TBC1D1: variants seen among roughly 807,000 people sequenced by gnomAD.
TBC1D1 encodes TBC1 (tre-2/USP6, BUB2, cdc16) domain family, member 1.
A neutral mutation model predicts 125.6 loss-of-function variants in TBC1D1; 89 were observed. The observed-to-expected ratio is 0.71, with a 90% CI of 0.60 to 0.85. The LOEUF is 0.85. Among genes scored for constraint, TBC1D1 ranks in the 40% least tolerant of loss-of-function variants. The pLI is 0.00. For missense variants in TBC1D1, 1,377 were observed against 1,469.2 expected (o/e 0.94, Z 1.03); for synonymous variants, 565 against 564.1 (o/e 1.00, Z -0.02).
intron 12 of TBC1D1, among the ~76,000 whole-genome samples, chr4:38,069,637 A>G (rs143802876): frequency 0.013 from 1,985 of 152,190 alleles, 42 homozygotes; most frequent in African/African-American, 0.045. Flanking sequence ...ATATGCAGTC[A>G]TGCCAACCCC....
intron 11 of TBC1D1, chr4:38,053,221 A>G (rs1416251116): frequency 3.3e-6 from 5 of 1,512,140 alleles, no homozygotes; most frequent in Non-Finnish European, 4.4e-6. Context: ...TATGAACACA[A>G]AAAGGTAGGG....
rs1272106935 is a variant in TBC1D1 at position 38,014,367 on chromosome 4, G to A, written c.418-142G>A. ...GAAGACATTCCTAGTCCCCTCCCGT[G>A]GGCTCCTCCTCCAGTGGGCTCCTCC... On this transcript the variant is annotated intron_variant, in intron 2 of 19. Coordinates refer to ENST00000261439, the MANE Select transcript of TBC1D1 (RefSeq NM_015173.4). This position sits in a 1 kb window ranked among gnomAD's most constrained non-coding sequence, Gnocchi z 5.1. The A allele has an allele frequency of 7.1e-6, 5 of 702,504 alleles. No homozygotes were observed. The highest frequency in any genetic ancestry group is 1.2e-5 in the Non-Finnish European group (5 of 416,770). The allele number at this position is 702,504 out of a possible 1,614,324, so 43.5% of individuals were successfully genotyped here.
intron 12 of TBC1D1, among the ~76,000 whole-genome samples, chr4:38,066,763 C>A (rs1340496431): frequency 1.3e-5 from 2 of 152,164 alleles, no homozygotes; most frequent in Non-Finnish European, 2.9e-5. Flanking sequence ...TTTGTGAGAT[C>A]CTGAGATAAA....
intron 12 of TBC1D1, among the ~76,000 whole-genome samples, chr4:38,073,050 C>T (rs1211209227): frequency 3.3e-5 from 5 of 152,146 alleles, no homozygotes; most frequent in Non-Finnish European, 7.4e-5. Context: ...CACCTTCCAC[C>T]TTTTGGCTAT....
chr4:37,996,468 G>C (rs1737826387), intron 2 of TBC1D1, among the ~76,000 whole-genome samples: 1 of 152,144 alleles, frequency 6.6e-6, no homozygotes, highest in Non-Finnish European at 1.5e-5. Flanking sequence ...CAAAGTTAAA[G>C]AAAGGGAGTG....
At chr4:37,968,566 A>T (rs753268145) in intron 2 of TBC1D1, among the ~76,000 whole-genome samples, 1 of 152,240 alleles carries the variant, frequency 6.6e-6, no homozygotes, top group Non-Finnish European at 1.5e-5. Flanking sequence ...ACCCACCTGA[A>T]TTTATAAGGT....
chr4:38,126,856 T>C (rs1053393159), intron 18 of TBC1D1, among the ~76,000 whole-genome samples: 2 of 152,186 alleles, frequency 1.3e-5, no homozygotes, highest in Non-Finnish European at 2.9e-5. Flanking sequence ...TCAAAGTGCT[T>C]TAGCAGCTCT....
chr4:38,137,437 T>G lies in TBC1D1; in HGVS notation c.*102T>G, dbSNP rs190339487. The stretch of plus-strand genomic sequence containing the variant: ...GAGAGAAGGAAGCGGGAAGTGTGCT[T>G]CTCAGGGAGGAAACCGGCTTGCCAG... On this transcript the variant is annotated 3_prime_UTR_variant, in exon 20 of 20. Transcript: ENST00000261439. The G allele has an allele frequency of 2.0e-5, 27 of 1,324,418 alleles. No homozygotes were observed. In the Admixed American group the frequency reaches 8.8e-4, roughly 43 times the overall value. 82.0% of individuals were successfully genotyped at this position (1,324,418 alleles called of 1,614,324 possible). A position where few individuals can be genotyped will look rare whatever the true frequency, so the allele number is the denominator to read the frequency against.
At chr4:37,932,059 T>C (rs1005109512) in intron 2 of TBC1D1, among the ~76,000 whole-genome samples, 2 of 152,012 alleles carry the variant, frequency 1.3e-5, no homozygotes, top group Non-Finnish European at 2.9e-5. Flanking sequence ...TCTGTCATTG[T>C]TTTTCCCCCA....
chr4:38,003,889 T>C (rs1450232687), intron 2 of TBC1D1, among the ~76,000 whole-genome samples: 2 of 148,416 alleles, frequency 1.3e-5, no homozygotes, highest in Non-Finnish European at 3.0e-5. Context: ...AAAAAAAGAG[T>C]TGGCCTTTTC....
At chr4:38,073,856 G>C (rs572047051) in intron 12 of TBC1D1, among the ~76,000 whole-genome samples, 1 of 152,208 alleles carries the variant, frequency 6.6e-6, no homozygotes, top group Admixed American at 6.5e-5. Context: ...GAAGTAAAAA[G>C]AGCCTCCTCC....
At chr4:38,008,123 A>G (rs533431440) in intron 2 of TBC1D1, among the ~76,000 whole-genome samples, 2 of 152,220 alleles carry the variant, frequency 1.3e-5, no homozygotes, top group Non-Finnish European at 2.9e-5. Context: ...GACTTTGAGG[A>G]CTTATATTCT....
At chr4:38,001,223 AAAAG>A (rs34403727) in intron 2 of TBC1D1, among the ~76,000 whole-genome samples, 3,459 of 150,062 alleles carry the variant, frequency 0.023, 84 homozygotes, top group Non-Finnish European at 0.034. Flanking sequence ...CCGTCTCAAA[AAAAG>A]AAAGAAAGAA....
intron 7 of TBC1D1, among the ~76,000 whole-genome samples, chr4:38,031,320 ATGACT>A (rs1222141417): frequency 6.6e-6 from 1 of 152,258 alleles, no homozygotes; most frequent in Non-Finnish European, 1.5e-5. Context: ...ATTAAGTAAC[ATGACT>A]TCACAAGTTA....
intron 6 of TBC1D1, among the ~76,000 whole-genome samples, chr4:38,025,470 G>T (rs1200913678): frequency 6.6e-6 from 1 of 152,180 alleles, no homozygotes; most frequent in East Asian, 1.9e-4. Flanking sequence ...GGACCAGAAG[G>T]ACCTCATGAA....
chr4:37,937,083 GCAA>G (rs924461803), intron 2 of TBC1D1, among the ~76,000 whole-genome samples: 1 of 152,180 alleles, frequency 6.6e-6, no homozygotes, highest in African/African-American at 2.4e-5. Context: ...CCTGCTAAGG[GCAA>G]CACGCTGGCA....
At chr4:37,927,924 T>C (rs1242606780) in intron 2 of TBC1D1, among the ~76,000 whole-genome samples, 1 of 152,152 alleles carries the variant, frequency 6.6e-6, no homozygotes, top group Non-Finnish European at 1.5e-5. Context: ...AAAAACACAT[T>C]TTAAAAATTG....
At chr4:38,018,810 C>A (rs968794949) in intron 4 of TBC1D1, among the ~76,000 whole-genome samples, 8 of 151,888 alleles carry the variant, frequency 5.3e-5, no homozygotes, top group Non-Finnish European at 7.4e-5. Context: ...AGATATATTT[C>A]TACTTTACAA....
intron 4 of TBC1D1, 47 bp downstream of exon 4, chr4:38,018,490 A>G (rs764005350): frequency 6.7e-6 from 8 of 1,185,718 alleles, no homozygotes; most frequent in Admixed American, 4.0e-5. Flanking sequence ...GAATTTTTAA[A>G]TGAATTTCTA....
Sources: allele counts gnomAD v4.1 joint callset (sites outside exome capture counted in the v4.1 genomes callset), GRCh38; gene constraint gnomAD v4.1.1; non-coding constraint Gnocchi (gnomAD v3.1); transcripts MANE v1.5; gene names NCBI Gene and HGNC (gene_info 2026-07-23, HGNC 2026-07-21).